Variants in LOXL3 observed in about 807,000 individuals in gnomAD.
LOXL3 encodes lysyl oxidase homolog 3.
In LOXL3, 60 loss-of-function variants were observed where a neutral mutation model predicts 91.8. That is an observed-to-expected ratio of 0.65 (90% CI 0.53 to 0.81). The LOEUF is 0.81. Ranked by LOEUF, LOXL3 falls within the 30% of genes least tolerant of loss-of-function variation. LOXL3 has a pLI of 0.00. For synonymous variants in LOXL3, 355 were observed against 387.6 expected, an observed-to-expected ratio of 0.92 and a Z score of 0.99; for missense variants, 874 against 1,000.4, an observed-to-expected ratio of 0.87 and a Z score of 1.70.
Position 74,532,340 on chromosome 2 carries a change from G to A in LOXL3, c.*1266C>T. ...ATCCATCCTTTTAGGCTCAACTTAA[G>A]TTCTTTCCCCTTAAAGCTTCTCTTA... is the stretch of plus-strand genomic sequence containing the variant. On this transcript the variant is annotated 3_prime_UTR_variant, in exon 14 of 14. Coordinates refer to ENST00000264094, the MANE Select transcript of LOXL3 (RefSeq NM_032603.5). 6.1e-6 allele frequency: 3 copies of A among 494,082 alleles called. No homozygotes were observed. Among genetic ancestry groups the A allele is most frequent in the Non-Finnish European group, 1.1e-5 (3 of 271,334 alleles). 30.6% of individuals were successfully genotyped at this position (494,082 alleles called of 1,614,324 possible). A position where few individuals can be genotyped will look rare whatever the true frequency, so the allele number is the denominator to read the frequency against.
At chr2:74,537,190 T>C (rs915271644) in intron 4 of LOXL3, among the ~76,000 whole-genome samples, 2 of 152,154 alleles carry the variant, frequency 1.3e-5, no homozygotes, top group African/African-American at 2.4e-5. Context: ...GGATGGCTAG[T>C]CTCGACTTGC....
intron 1 of LOXL3, 27 bp from the exon 2 acceptor site, chr2:74,552,673 G>T (rs372837797): frequency 2.7e-6 from 4 of 1,483,094 alleles, no homozygotes; most frequent in South Asian, 2.6e-5. Context: ...CAAAGTGTGC[G>T]TGAGAGAAAC....
chr2:74,545,549 T>C (rs1262848037), intron 4 of LOXL3, among the ~76,000 whole-genome samples: 1 of 152,240 alleles, frequency 6.6e-6, no homozygotes, highest in African/African-American at 2.4e-5. Context: ...CCATTCATTA[T>C]CATCTCTGTT....
At chr2:74,545,426 C>G (rs1676536698) in intron 4 of LOXL3, among the ~76,000 whole-genome samples, 1 of 152,234 alleles carries the variant, frequency 6.6e-6, no homozygotes, top group South Asian at 2.1e-4. Context: ...AAAGGCCAAA[C>G]TCTCCAATTT....
intron 2 of LOXL3, among the ~76,000 whole-genome samples, chr2:74,551,609 A>G (rs1456077425): frequency 6.6e-6 from 1 of 152,248 alleles, no homozygotes; most frequent in Non-Finnish European, 1.5e-5. Context: ...TTTCACATCT[A>G]GGCAGCTCTC....
intron 9 of LOXL3, 147 bp from the exon 10 acceptor site, chr2:74,534,921 G>A (rs1045753629): frequency 1.0e-5 from 10 of 988,932 alleles, no homozygotes; most frequent in Middle Eastern, 3.3e-4. Context: ...CTCTGTTGCC[G>A]AGGCTGGAAT....
chr2:74,533,772 G>C (rs2104386219), intron 13 of LOXL3, 93 bp from the exon 14 acceptor site: 1 of 1,442,252 alleles, frequency 6.9e-7, no homozygotes, highest in South Asian at 1.2e-5. Context: ...TGGAGGGACT[G>C]AGAGCTCTAC....
Position 74,549,497 on chromosome 2 carries a change from C to T in LOXL3, c.564G>A (p.Leu188=). The change falls in exon 4 of 14, where the codon CTG becomes CTA. Residue 188 remains leucine, a synonymous_variant. Coordinates refer to ENST00000264094, the MANE Select transcript of LOXL3 (RefSeq NM_032603.5). This position sits in a 1 kb window ranked among gnomAD's most constrained non-coding sequence, Gnocchi z 5.3. The part of the protein sequence containing the change: ...GRRPLPVTEG[L]VEVRLPDGWS... Reference sequence around the variant, plus strand: ...AGCCGTCAGGAAGCCTGACTTCCACCAGCCCCTCCGTCACGGGCAGGGGTC... The same window carrying T: ...AGCCGTCAGGAAGCCTGACTTCCACTAGCCCCTCCGTCACGGGCAGGGGTC... The T allele has an allele frequency of 6.2e-7, 1 of 1,613,690 alleles. No individual in the cohort carries two copies. Among genetic ancestry groups the T allele is most frequent in the African/African-American group, 1.3e-5 (1 of 75,072 alleles).
chr2:74,555,493 A>G (rs550073039), upstream of LOXL3: 28 of 1,610,162 alleles, frequency 1.7e-5, no homozygotes, highest in African/African-American at 1.5e-4. The surrounding 1 kb of genome is among the most constrained non-coding windows in gnomAD (Gnocchi z 6.1). Flanking sequence ...GCAGTTACAG[A>G]GGCAGAGAAA....
In LOXL3 at chr2:74,534,585, G is replaced by C; in HGVS notation, c.1769C>G (p.Ala590Gly). 6.2e-7 allele frequency: 1 copy of C among 1,614,248 alleles called. No homozygotes were observed. Among genetic ancestry groups the C allele is most frequent in the Non-Finnish European group, 8.5e-7 (1 of 1,180,048 alleles). ...FSSQIHNLGRADFRPKAGRHS... is the reference protein window; with the variant it reads ...FSSQIHNLGRGDFRPKAGRHS... ...GCGCCCAGCCTTGGGCCTGAAGTCA[G>C]CTCGTCCCAGGTTGTGGATCTGGGA... The change falls in exon 10 of 14, where the codon GCT (alanine) becomes GGT (glycine). Residue 590 changes from alanine (A) to glycine (G), a missense_variant. Ala to Gly is a moderately conservative substitution (Grantham distance 60, BLOSUM62 0). Transcript: ENST00000264094.
chr2:74,554,636 C>T (rs969657284), upstream of LOXL3: 1 of 963,124 alleles, frequency 1.0e-6, no homozygotes. This position sits in a 1 kb window ranked among gnomAD's most constrained non-coding sequence, Gnocchi z 4.9. Context: ...CCGCGACCCC[C>T]CCAGCGGCTG....
chr2:74,533,848 C>T (rs752752451), intron 13 of LOXL3, 34 bp downstream of exon 13: 37 of 1,560,974 alleles, frequency 2.4e-5, no homozygotes, highest in South Asian at 4.5e-5. Flanking sequence ...CTCCCATCCC[C>T]TAATCTTCCT....
At position 74,535,733 on chromosome 2, in the gene LOXL3, C is replaced by T. The variant is rs759864482; in HGVS notation, c.1271G>A (p.Ser424Asn). The T allele has an allele frequency of 6.9e-6, 11 of 1,583,758 alleles. No individual in the cohort carries two copies. Among genetic ancestry groups the T allele is most frequent in the Non-Finnish European group, 9.4e-6 (11 of 1,169,332 alleles). ...ETRIRLSGGR[S>N]QHEGRVEVQI... ...CACCTCGACTCGCCCCTCATGTTGG[C>T]TGCGGCCCCCACTGAGTCGGATCTG... The change falls in exon 8 of 14, where the codon AGC becomes AAC. Residue 424 changes from serine (S) to asparagine (N), a missense_variant. Coordinates refer to ENST00000264094, the MANE Select transcript of LOXL3 (RefSeq NM_032603.5). This position sits in a 1 kb window ranked among gnomAD's most constrained non-coding sequence, Gnocchi z 4.2.
intron 4 of LOXL3, among the ~76,000 whole-genome samples, chr2:74,543,899 TC>T (rs765256213): frequency 1.8e-3 from 88 of 49,336 alleles, no homozygotes; most frequent in African/African-American, 7.6e-3. Context: ...AGGCTCTGTC[TC>T]AAAAAAAAAA....
rs1676039201 is a variant in LOXL3, at chr2:74,536,634, G to C, written c.912+75C>G. ...CTCTCTGTCCTCAAAGGTCAGGGCT[G>C]TGCTTAGTCTGGGGTTGCCAGGCTA... On this transcript the variant is annotated intron_variant, in intron 5 of 13. Transcript: ENST00000264094. The surrounding 1 kb of genome is among the most constrained non-coding windows in gnomAD (Gnocchi z 4.5). 6.5e-7 allele frequency: 1 copy of C among 1,531,510 alleles called. No individual in the cohort carries two copies. The highest frequency in any genetic ancestry group is 1.4e-5 in the African/African-American group (1 of 73,424). The allele number at this position is 1,531,510 out of a possible 1,614,324, so 94.9% of individuals were successfully genotyped here.
rs904517258 is a variant in LOXL3, at chr2:74,534,411, A to G, written c.1844T>C (p.Ile615Thr). The G allele has an allele frequency of 1.9e-6, 3 of 1,614,044 alleles. No individual in the cohort carries two copies. The African/African-American group carries it at 4.0e-5, about 22-fold the overall frequency. ...ECHGHYHSMDIFTHYDILTPN... is the reference protein window; with the variant it reads ...ECHGHYHSMDTFTHYDILTPN... ...GGTGAGGATATCATAGTGAGTGAAGATGTCCATGCTGTGGTAATGCCTGTG... is the reference window on the plus strand; with the variant it reads ...GGTGAGGATATCATAGTGAGTGAAGGTGTCCATGCTGTGGTAATGCCTGTG... Residue 615 changes from isoleucine to threonine, a missense_variant, in exon 11 of 14, where the codon ATC (isoleucine) becomes ACC (threonine). By Grantham distance (89) the Ile-to-Thr change is moderately conservative. Transcript: ENST00000264094.
In LOXL3 at chr2:74,552,552, G is replaced by T; in HGVS notation, c.83C>A (p.Ser28Tyr). The change falls in exon 2 of 14, where the codon TCC becomes TAC. Residue 28 changes from serine (S) to tyrosine (Y), a missense_variant. Physicochemically the swap from Ser to Tyr is moderately radical, Grantham distance 144. Transcript: ENST00000264094. ...LLCSSCLGSPSPSTGPEKKAG... is the reference protein window; with the variant it reads ...LLCSSCLGSPYPSTGPEKKAG... ...CTTCTTCTCAGGGCCCGTGGAAGGG[G>T]ACGGAGACCCCAAGCACGAACTGCA... 1 of 1,612,086 alleles carries T rather than the reference G, an allele frequency of 6.2e-7. No homozygotes were observed. Among genetic ancestry groups the T allele is most frequent in the Non-Finnish European group, 8.5e-7 (1 of 1,179,248 alleles).
At chr2:74,544,838 G>A (rs1398039193) in intron 4 of LOXL3, among the ~76,000 whole-genome samples, 9 of 152,050 alleles carry the variant, frequency 5.9e-5, no homozygotes, top group Admixed American at 2.6e-4. Context: ...TATCACCTGT[G>A]AGAATGCTCC....
rs1675954891 is a variant in LOXL3 at position 74,535,369 on chromosome 2, T to C, written c.1502A>G (p.Gln501Arg). The part of the protein sequence containing the change: ...RCTGTELSLD[Q>R]CAHHGTHITC... ...GATGTGGGTGCCATGATGGGCACAC[T>C]GATCCAGGGACAGCTCAGTCCCTGT... The change falls in exon 9 of 14, where the codon CAG (glutamine) becomes CGG (arginine). Residue 501 changes from glutamine (Q) to arginine (R), a missense_variant. Physicochemically the swap from Gln to Arg is conservative, Grantham distance 43 (BLOSUM62 1). Transcript: ENST00000264094. This position sits in a 1 kb window ranked among gnomAD's most constrained non-coding sequence, Gnocchi z 4.2. The C allele has an allele frequency of 1.2e-6, 2 of 1,614,120 alleles. No individual in the cohort carries two copies. The highest frequency in any genetic ancestry group is 1.7e-6 in the Non-Finnish European group (2 of 1,180,026).
Sources: allele counts gnomAD v4.1 joint callset (sites outside exome capture counted in the v4.1 genomes callset), GRCh38; gene constraint gnomAD v4.1.1; non-coding constraint Gnocchi (gnomAD v3.1); transcripts MANE v1.5; gene names NCBI Gene and HGNC (gene_info 2026-07-23, HGNC 2026-07-21).